TMEM132C: variants seen among roughly 807,000 people sequenced by gnomAD.
TMEM132C encodes the protein transmembrane protein 132C.
A neutral mutation model predicts 61.4 loss-of-function variants in TMEM132C; 29 were observed. The observed-to-expected ratio is 0.47, with a 90% CI of 0.35 to 0.64. TMEM132C has a LOEUF of 0.64. Ranked by LOEUF, TMEM132C falls within the 30% of genes least tolerant of loss-of-function variation. The pLI, the probability that TMEM132C is intolerant of heterozygous loss-of-function variation, is 0.00. For synonymous variants in TMEM132C, 656 were observed against 633.1 expected (o/e 1.04, Z -0.54); for missense variants, 1,408 against 1,476.9 (o/e 0.95, Z 0.76).
At chr12:128,487,924 A>G (rs1286183263) in intron 2 of TMEM132C, among the ~76,000 whole-genome samples, 1 of 152,172 alleles carries the variant, frequency 6.6e-6, no homozygotes, top group Non-Finnish European at 1.5e-5. Context: ...TTCCATTAAA[A>G]TTAATTAAAA....
At chr12:128,478,269 GA>G (rs1871215769) in intron 2 of TMEM132C, among the ~76,000 whole-genome samples, 1 of 152,098 alleles carries the variant, frequency 6.6e-6, no homozygotes, top group African/African-American at 2.4e-5. Flanking sequence ...GCTGTTTATT[GA>G]AAAACACTGA....
intron 3 of TMEM132C, among the ~76,000 whole-genome samples, chr12:128,583,686 G>C (rs913565892): frequency 6.6e-6 from 1 of 152,188 alleles, no homozygotes; most frequent in Admixed American, 6.5e-5. Flanking sequence ...CTCTCTCAAC[G>C]TGTGCTGAGT....
intron 1 of TMEM132C, among the ~76,000 whole-genome samples, chr12:128,373,127 CT>C (rs1874080188): frequency 6.6e-6 from 1 of 152,130 alleles, no homozygotes; most frequent in African/African-American, 2.4e-5. Flanking sequence ...TCAGGCAGGG[CT>C]CAACAACGTC....
intron 1 of TMEM132C, among the ~76,000 whole-genome samples, chr12:128,387,819 A>G (rs561980749): frequency 6.6e-6 from 1 of 152,294 alleles, no homozygotes; most frequent in African/African-American, 2.4e-5. Context: ...AAAGAAAGAC[A>G]AAAATCACGG....
chr12:128,540,417 C>A (rs1873695698), intron 2 of TMEM132C, among the ~76,000 whole-genome samples: 1 of 152,128 alleles, frequency 6.6e-6, no homozygotes, highest in Non-Finnish European at 1.5e-5. Flanking sequence ...CCATGCCCAG[C>A]TAATTTTTGT....
intron 2 of TMEM132C, among the ~76,000 whole-genome samples, chr12:128,459,871 C>T (rs1870474076): frequency 1.1e-5 from 1 of 93,428 alleles, no homozygotes; most frequent in African/African-American, 4.2e-5. Flanking sequence ...GGCAACAGAG[C>T]AAGACTCTGT....
chr12:128,271,023 G>A (rs985577779), intron 1 of TMEM132C, among the ~76,000 whole-genome samples: 4 of 152,024 alleles, frequency 2.6e-5, no homozygotes, highest in African/African-American at 9.7e-5. Context: ...GGGAGGCAAA[G>A]ACAGTGGATC....
chr12:128,347,225 C>T (rs1311488973), intron 1 of TMEM132C, among the ~76,000 whole-genome samples: 1 of 152,168 alleles, frequency 6.6e-6, no homozygotes, highest in African/African-American at 2.4e-5. Context: ...TGGACTCCAA[C>T]TCCATCCAAG....
At chr12:128,356,673 T>C (rs2135967512) in intron 1 of TMEM132C, among the ~76,000 whole-genome samples, 1 of 152,344 alleles carries the variant, frequency 6.6e-6, no homozygotes, top group Admixed American at 6.5e-5. Flanking sequence ...GGAAAATCAG[T>C]TTGCTGCTGA....
intron 4 of TMEM132C, among the ~76,000 whole-genome samples, chr12:128,629,985 A>AAT (rs59345247): frequency 4.0e-5 from 6 of 151,008 alleles, no homozygotes; most frequent in African/African-American, 1.5e-4. Context: ...AAAAAAAAAA[A>AAT]GGCAAGAGGG....
intron 2 of TMEM132C, among the ~76,000 whole-genome samples, chr12:128,505,009 G>A (rs947209687): frequency 1.8e-5 from 2 of 112,540 alleles, no homozygotes; most frequent in African/African-American, 2.6e-5. Flanking sequence ...TACTTACTAC[G>A]TAAATATGAA....
chr12:128,583,887 T>G (rs1875441822), intron 3 of TMEM132C, among the ~76,000 whole-genome samples: 1 of 152,010 alleles, frequency 6.6e-6, no homozygotes, highest in African/African-American at 2.4e-5. Flanking sequence ...GAATGAGGAG[T>G]CTTCCCCAGG....
chr12:128,314,499 C>T (rs1349784112), intron 1 of TMEM132C, among the ~76,000 whole-genome samples: 1 of 152,052 alleles, frequency 6.6e-6, no homozygotes, highest in African/African-American at 2.4e-5. Context: ...GGACAGTGTC[C>T]CTCCAAATTC....
intron 2 of TMEM132C, among the ~76,000 whole-genome samples, chr12:128,473,285 C>G (rs1369899281): frequency 2.0e-5 from 3 of 151,662 alleles, no homozygotes; most frequent in African/African-American, 7.3e-5. Flanking sequence ...TTCATCTTCT[C>G]TCCAGCCTCC....
chr12:128,544,277 G>A (rs982598305), intron 3 of TMEM132C, among the ~76,000 whole-genome samples, 174 bp downstream of exon 3: 1 of 152,262 alleles, frequency 6.6e-6, no homozygotes. Context: ...TGCCTCTGCA[G>A]CAGGGCGGGG....
intron 1 of TMEM132C, among the ~76,000 whole-genome samples, chr12:128,377,036 T>C (rs900410393): frequency 6.6e-6 from 1 of 151,678 alleles, no homozygotes; most frequent in African/African-American, 2.4e-5. Flanking sequence ...TTTTATGTCA[T>C]CCTTTACCAT....
chr12:128,462,170 A>G (rs939268563), intron 2 of TMEM132C, among the ~76,000 whole-genome samples: 3 of 152,058 alleles, frequency 2.0e-5, no homozygotes, highest in African/African-American at 7.2e-5. Flanking sequence ...CAGTGGTGCA[A>G]TCTCAGCTCA....
At chr12:128,687,796 G>A (rs755499548) in intron 5 of TMEM132C, among the ~76,000 whole-genome samples, 2 of 152,208 alleles carry the variant, frequency 1.3e-5, no homozygotes, top group Non-Finnish European at 2.9e-5. Context: ...CTGTTGAGAA[G>A]AGGCCCCTGG....
chr12:128,461,759 T>C (rs1056194067), intron 2 of TMEM132C, among the ~76,000 whole-genome samples: 2 of 152,148 alleles, frequency 1.3e-5, no homozygotes, highest in African/African-American at 4.8e-5. Context: ...GTGATAGTGG[T>C]GTGTCACTCT....
Sources: gnomAD v4.1 joint callset for allele counts (sites outside exome capture counted in the v4.1 genomes callset) on GRCh38, gnomAD v4.1.1 for gene constraint, MANE v1.5 for transcripts, NCBI Gene and HGNC (gene_info 2026-07-23, HGNC 2026-07-21) for gene names.